Variants in ACACA observed in about 807,000 individuals in gnomAD.
ACACA encodes acetyl-CoA carboxylase 1.
ACACA carries 103 observed loss-of-function variants against 296.1 expected under a neutral mutation model. The observed-to-expected ratio is 0.35, with a 90% CI of 0.30 to 0.41. The LOEUF (loss-of-function observed/expected upper bound fraction) is 0.41. Ranked by LOEUF, ACACA falls within the 10% of genes least tolerant of loss-of-function variation. The pLI, the probability that ACACA is intolerant of heterozygous loss-of-function variation, is 1.00. For missense variants in ACACA, 1,554 were observed against 2,989.7 expected (o/e 0.52, Z 11.20); for synonymous variants, 953 against 1,038.6 (o/e 0.92, Z 1.58).
intron 1 of ACACA, among the ~76,000 whole-genome samples, chr17:37,395,266 T>TA (rs1182402532): frequency 6.6e-6 from 1 of 151,580 alleles, no homozygotes; most frequent in Non-Finnish European, 1.5e-5. Context: ...CCATCTTTAC[T>TA]AAAAATACAA....
chr17:37,256,474 C>T (rs946568328), intron 14 of ACACA, among the ~76,000 whole-genome samples: 1 of 152,190 alleles, frequency 6.6e-6, no homozygotes, highest in African/African-American at 2.4e-5. Flanking sequence ...AGGCTGGGTG[C>T]AGCGGCTCAT....
chr17:37,180,704 C>A (rs1173250340), intron 40 of ACACA, among the ~76,000 whole-genome samples: 2 of 152,120 alleles, frequency 1.3e-5, no homozygotes, highest in Non-Finnish European at 2.9e-5. Context: ...TATAACAAAT[C>A]TCCCACAAAA....
At chr17:37,273,435 T>C (rs2082148890) in intron 9 of ACACA, among the ~76,000 whole-genome samples, 1 of 152,246 alleles carries the variant, frequency 6.6e-6, no homozygotes, top group Admixed American at 6.5e-5. Context: ...AGAGTAACAC[T>C]TTCAGTCTTT....
chr17:37,133,541 C>T (rs575292780), intron 45 of ACACA, among the ~76,000 whole-genome samples: 1 of 152,326 alleles, frequency 6.6e-6, no homozygotes, highest in African/African-American at 2.4e-5. Context: ...ATGGAGTCCA[C>T]ATAGACAGAA....
At chr17:37,329,950 AAAC>A (rs2047797065) in intron 3 of ACACA, among the ~76,000 whole-genome samples, 1 of 151,140 alleles carries the variant, frequency 6.6e-6, no homozygotes, top group East Asian at 1.9e-4. Flanking sequence ...CAAAAAACAA[AAAC>A]AAAAACAAAA....
chr17:37,177,953 T>A (rs562266292), intron 41 of ACACA, among the ~76,000 whole-genome samples: 241 of 152,308 alleles, frequency 1.6e-3, no homozygotes, highest in Non-Finnish European at 2.8e-3. Context: ...ACACCTTGTA[T>A]ATATAGTGAA....
At position 37,093,452 on chromosome 17, in the gene ACACA, G is replaced by A. The variant is rs2072778898; in HGVS notation, c.6891+3544C>T. Among the ~76,000 whole-genome samples, 3 of 104,416 alleles carry A rather than the reference G, an allele frequency of 2.9e-5. No individual in the cohort carries two copies. In the South Asian group the frequency reaches 1.5e-3, roughly 53 times the overall value. 68.5% of individuals were successfully genotyped at this position (104,416 alleles called of 152,430 possible). The stretch of plus-strand genomic sequence containing the variant: ...TTTTTTACCTTCTAACATGGAGCAG[G>A]GGAAACTAGCATATTTTGAATGTCT... On this transcript the variant is annotated intron_variant, in intron 54 of 55. Coordinates refer to ENST00000616317, the MANE Select transcript of ACACA (RefSeq NM_198834.3).
intron 1 of ACACA, among the ~76,000 whole-genome samples, chr17:37,364,336 G>A (rs1403362806): frequency 6.6e-6 from 1 of 151,988 alleles, no homozygotes; most frequent in Middle Eastern, 3.2e-3. Flanking sequence ...GCTCATGCCT[G>A]TAATCCCAAA....
At chr17:37,376,350 G>C (rs1343848518) in intron 1 of ACACA, among the ~76,000 whole-genome samples, 4 of 152,184 alleles carry the variant, frequency 2.6e-5, no homozygotes, top group Non-Finnish European at 5.9e-5. Flanking sequence ...TTCATGATGA[G>C]AGGTCTTCAG....
In ACACA at chr17:37,275,974, G is replaced by C. The variant is rs2082269359; in HGVS notation, c.878C>G (p.Pro293Arg). ...SSIVAQTAGI[P>R]TLPWSGSGLR... ...ACCACTGCCGCTCCAGGGAAGAGTT[G>C]GGATACCTGCAGTTTGAGCCACTAT... Residue 293 changes from proline to arginine, a missense_variant, in exon 8 of 56, where the codon CCA becomes CGA. Pro to Arg is a moderately radical substitution (Grantham distance 103, BLOSUM62 -2). This residue lies in a region of ACACA where 47 missense variants were observed against 55.4 expected (regional missense o/e 0.85). Transcript: ENST00000616317. 1 of 1,614,134 alleles carries C rather than the reference G, an allele frequency of 6.2e-7. No homozygotes were observed. The highest frequency in any genetic ancestry group is 8.5e-7 in the Non-Finnish European group (1 of 1,179,982).
chr17:37,238,232 G>A (rs749082914), intron 24 of ACACA, among the ~76,000 whole-genome samples: 30 of 150,406 alleles, frequency 2.0e-4, no homozygotes, highest in Non-Finnish European at 3.7e-4. Context: ...GTCTTTATCG[G>A]GAATTGATTT....
chr17:37,319,094 G>T (rs1185895539), intron 3 of ACACA, among the ~76,000 whole-genome samples: 1 of 151,998 alleles, frequency 6.6e-6, no homozygotes, highest in African/African-American at 2.4e-5. Context: ...ATACTTTCAT[G>T]ATTTGCTAAC....
At chr17:37,187,156 T>C (rs1382156039) in intron 39 of ACACA, among the ~76,000 whole-genome samples, 1 of 152,178 alleles carries the variant, frequency 6.6e-6, no homozygotes, top group Non-Finnish European at 1.5e-5. Context: ...GCACTCTCTC[T>C]CTCTGTTTTT....
intron 3 of ACACA, among the ~76,000 whole-genome samples, chr17:37,310,950 A>G (rs1274965822): frequency 6.6e-6 from 1 of 152,146 alleles, no homozygotes; most frequent in East Asian, 1.9e-4. Flanking sequence ...GAATGGAGGT[A>G]ACACAGGAGT....
At chr17:37,316,314 C>G (rs2047088748) in intron 3 of ACACA, among the ~76,000 whole-genome samples, 1 of 151,540 alleles carries the variant, frequency 6.6e-6, no homozygotes, top group East Asian at 1.9e-4. Context: ...CACACACACA[C>G]ACACACACAC....
rs148182514 is a variant in ACACA, at chr17:37,382,061, C to A, written c.38+24201G>T. Among the ~76,000 whole-genome samples the A allele has an allele frequency of 3.9e-3, 598 of 152,104 alleles. 4 individuals are homozygous for A. Among genetic ancestry groups the A allele is most frequent in the African/African-American group, 0.013 (556 of 41,512 alleles). ...TTTCTCTTTTTTCTTTTAATAAATT[C>A]TTTTCCCCTCTTTCACTATTACTCA... On this transcript the variant is annotated intron_variant, in intron 1 of 55. Transcript: ENST00000616317.
At chr17:37,374,613 T>C in intron 1 of ACACA, among the ~76,000 whole-genome samples, 1 of 152,150 alleles carries the variant, frequency 6.6e-6, no homozygotes, top group East Asian at 1.9e-4. Flanking sequence ...GCTCCATCTA[T>C]CTATGCCATG....
At chr17:37,384,708 A>G (rs1484456625) in intron 1 of ACACA, among the ~76,000 whole-genome samples, 2 of 152,300 alleles carry the variant, frequency 1.3e-5, no homozygotes, top group Non-Finnish European at 2.9e-5. Flanking sequence ...TTTCTTTTGA[A>G]CTTGTTGACT....
intron 3 of ACACA, among the ~76,000 whole-genome samples, chr17:37,325,028 C>T (rs972902440): frequency 2.0e-5 from 3 of 151,160 alleles, no homozygotes; most frequent in African/African-American, 7.3e-5. Flanking sequence ...CGGTGAAACC[C>T]TGTCTCTGCT....
Sources: gnomAD v4.1 joint callset for allele counts (sites outside exome capture counted in the v4.1 genomes callset) on GRCh38, gnomAD v4.1.1 for gene constraint, gnomAD v4.1.1 regional missense constraint, MANE v1.5 for transcripts, NCBI Gene and HGNC (gene_info 2026-07-23, HGNC 2026-07-21) for gene names.